The following PARD3B variants were observed in gnomAD, a reference collection of about 807,000 sequenced individuals.
PARD3B encodes par-3 family cell polarity regulator beta.
Under a neutral mutation model 130.2 loss-of-function variants are expected in PARD3B, and 103 were observed. The observed-to-expected ratio is 0.79, with a 90% CI of 0.67 to 0.93. PARD3B has a LOEUF of 0.93. Among genes scored for constraint, PARD3B ranks in the 40% least tolerant of loss-of-function variants. The pLI, the probability that PARD3B is intolerant of heterozygous loss-of-function variation, is 0.00. For synonymous variants in PARD3B, 583 were observed against 553.2 expected, an observed-to-expected ratio of 1.05 and a Z score of -0.76; for missense variants, 1,609 against 1,499.2, an observed-to-expected ratio of 1.07 and a Z score of -1.21.
chr2:205,086,168 A>C (rs998679506), intron 4 of PARD3B, among the ~76,000 whole-genome samples: 1 of 152,210 alleles, frequency 6.6e-6, no homozygotes, highest in Non-Finnish European at 1.5e-5. Context: ...TAATTATGGC[A>C]TTTCTAATCT....
At chr2:204,763,324 T>C (rs1160272252) in intron 2 of PARD3B, among the ~76,000 whole-genome samples, 1 of 152,226 alleles carries the variant, frequency 6.6e-6, no homozygotes, top group African/African-American at 2.4e-5. Context: ...GCTTTGTGTT[T>C]GTTCTTTTAA....
intron 10 of PARD3B, among the ~76,000 whole-genome samples, chr2:205,133,948 G>A (rs545681656): frequency 1.3e-5 from 2 of 152,140 alleles, no homozygotes; most frequent in African/African-American, 4.8e-5. Flanking sequence ...TTGGGTTGTT[G>A]GTATTTGTTT....
intron 12 of PARD3B, among the ~76,000 whole-genome samples, chr2:205,173,644 A>G (rs905232578): frequency 6.6e-6 from 1 of 152,172 alleles, no homozygotes; most frequent in Non-Finnish European, 1.5e-5. Context: ...TCTCCTTTAT[A>G]TAAGCTCGCA....
intron 2 of PARD3B, among the ~76,000 whole-genome samples, chr2:204,726,194 G>GATAAAAGATA (rs1180721327): frequency 6.6e-6 from 1 of 152,180 alleles, no homozygotes; most frequent in Non-Finnish European, 1.5e-5. Flanking sequence ...GTTGGGTGGT[G>GATAAAAGATA]ACAGATAAAG....
chr2:204,737,975 G>T (rs1233212522), intron 2 of PARD3B, among the ~76,000 whole-genome samples: 1 of 151,966 alleles, frequency 6.6e-6, no homozygotes, highest in African/African-American at 2.4e-5. Flanking sequence ...CTGTAGTCTT[G>T]TAGTATAATT....
In PARD3B at chr2:205,409,121, C is replaced by A. The variant is rs189393427; in HGVS notation, c.2741+7998C>A. Among the ~76,000 whole-genome samples, 165 of 152,242 alleles carry A rather than the reference C, an allele frequency of 1.1e-3. 1 individual carries two copies. The highest frequency in any genetic ancestry group is 3.8e-3 in the African/African-American group (157 of 41,568). On this transcript the variant is annotated intron_variant, in intron 19 of 22. Transcript: ENST00000406610. ...GTTTCTCAGGACAAGGACATGTTCT[C>A]TTTTTATGCTGACAGAAAGAAGCTA...
intron 11 of PARD3B, among the ~76,000 whole-genome samples, chr2:205,164,391 A>C (rs531143094): frequency 6.6e-6 from 1 of 152,172 alleles, no homozygotes; most frequent in African/African-American, 2.4e-5. Context: ...GGAGTTCCAG[A>C]CTGTAATGCA....
chr2:204,770,832 G>C (rs959922034), intron 2 of PARD3B, among the ~76,000 whole-genome samples: 4 of 151,940 alleles, frequency 2.6e-5, no homozygotes, highest in Non-Finnish European at 4.4e-5. Context: ...TTCCCTATCA[G>C]GAGTCTCTGT....
chr2:205,426,998 C>T (rs1390183466), intron 19 of PARD3B, among the ~76,000 whole-genome samples: 5 of 151,944 alleles, frequency 3.3e-5, no homozygotes, highest in African/African-American at 7.3e-5. Flanking sequence ...ATGAAAATGG[C>T]CCTTAAGCAT....
chr2:204,569,844 C>G (rs1318796924), intron 1 of PARD3B, among the ~76,000 whole-genome samples: 1 of 152,150 alleles, frequency 6.6e-6, no homozygotes, highest in Non-Finnish European at 1.5e-5. Context: ...TGTGGGGATG[C>G]TTCATTGCAC....
In PARD3B at chr2:204,664,946, T is replaced by C. The variant is rs368076990; in HGVS notation, c.121-21235T>C. Among the ~76,000 whole-genome samples, 5 of 152,194 alleles carry C rather than the reference T, an allele frequency of 3.3e-5. No homozygotes were observed. The highest frequency in any genetic ancestry group is 1.3e-4 in the Admixed American group (2 of 15,276). On this transcript the variant is annotated intron_variant, in intron 1 of 22. Transcript: ENST00000406610. This position sits in a 1 kb window ranked among gnomAD's most constrained non-coding sequence, Gnocchi z 5.2. The stretch of plus-strand genomic sequence containing the variant: ...AGCATTTAATAGGAACTTTGGCATA[T>C]GTAAATATTTTCTAGGTTCAGTTTT...
intron 21 of PARD3B, among the ~76,000 whole-genome samples, chr2:205,506,193 C>T (rs4344921): frequency 0.51 from 76,490 of 151,416 alleles, 19,765 homozygotes; most frequent in South Asian, 0.62. Flanking sequence ...ATTAGCTGGG[C>T]ATGGTGGTGC....
rs566415215 is a variant in PARD3B, at chr2:205,301,763, C to T, written c.2630+62C>T. The T allele has an allele frequency of 6.2e-7, 1 of 1,613,902 alleles. No homozygotes were observed. The highest frequency in any genetic ancestry group is 1.7e-5 in the Admixed American group (1 of 60,018). ...TTTGTCTCTCCTGGTAAAATCACTC[C>T]TTTGTCTGTACTCAGAAAAAAGCGC... On this transcript the variant is annotated intron_variant, in intron 18 of 22. Transcript: ENST00000406610. This position sits in a 1 kb window ranked among gnomAD's most constrained non-coding sequence, Gnocchi z 5.2.
At chr2:205,608,516 G>T (rs2055103237) in intron 22 of PARD3B, among the ~76,000 whole-genome samples, 1 of 152,130 alleles carries the variant, frequency 6.6e-6, no homozygotes, top group Non-Finnish European at 1.5e-5. Flanking sequence ...ACTGTTTTTT[G>T]TGGCCGCGCA....
At chr2:204,908,604 A>G (rs1018408990) in intron 2 of PARD3B, among the ~76,000 whole-genome samples, 1 of 152,232 alleles carries the variant, frequency 6.6e-6, no homozygotes, top group Admixed American at 6.5e-5. Context: ...TCTATGAGAT[A>G]CAAAAGAATA....
intron 20 of PARD3B, among the ~76,000 whole-genome samples, chr2:205,453,423 A>G (rs950234024): frequency 1.3e-5 from 2 of 152,182 alleles, no homozygotes; most frequent in African/African-American, 4.8e-5. Flanking sequence ...CTAAGATAAA[A>G]CATTTAGACT....
At chr2:204,648,571 TATATA>T (rs2035353286) in intron 1 of PARD3B, among the ~76,000 whole-genome samples, 1 of 126,134 alleles carries the variant, frequency 7.9e-6, no homozygotes, top group South Asian at 2.2e-4. Context: ...TAAATATAAA[TATATA>T]TTATATATTA....
chr2:204,622,687 T>A (rs979834024), intron 1 of PARD3B, among the ~76,000 whole-genome samples: 10 of 152,094 alleles, frequency 6.6e-5, no homozygotes, highest in Non-Finnish European at 1.5e-4. Context: ...GATAAAACAG[T>A]CATAAGAGGG....
At position 204,731,681 on chromosome 2, in the gene PARD3B, T is replaced by A. The variant is rs192319702; in HGVS notation, c.222+45399T>A. Among the ~76,000 whole-genome samples, 1,031 of 152,270 alleles carry A rather than the reference T, an allele frequency of 6.8e-3. 5 individuals carry two copies. The highest frequency in any genetic ancestry group is 0.012 in the Non-Finnish European group (802 of 68,010). On this transcript the variant is annotated intron_variant, in intron 2 of 22. Transcript: ENST00000406610. ...ATTGACTGAAGCCAGGTTACAATCA[T>A]GAAAAATATGAATGAAAATTTTAAC...
Sources: gnomAD v4.1 joint callset for allele counts (sites outside exome capture counted in the v4.1 genomes callset) on GRCh38, gnomAD v4.1.1 for gene constraint, Gnocchi (gnomAD v3.1) non-coding constraint, MANE v1.5 for transcripts, NCBI Gene and HGNC (gene_info 2026-07-23, HGNC 2026-07-21) for gene names.